The following VAV1 variants were observed in gnomAD, a reference collection of about 807,000 sequenced individuals.
VAV1 encodes the protein proto-oncogene vav.
Under a neutral mutation model 128.1 loss-of-function variants are expected in VAV1, and 33 were observed. The observed-to-expected ratio is 0.26, with a 90% CI of 0.20 to 0.34. The LOEUF (loss-of-function observed/expected upper bound fraction) is 0.34. Among genes scored for constraint, VAV1 ranks in the 10% least tolerant of loss-of-function variants. The pLI, the probability that VAV1 is intolerant of heterozygous loss-of-function variation, is 1.00. For synonymous variants in VAV1, 394 were observed against 409.8 expected (o/e 0.96, Z 0.47); for missense variants, 715 against 1,093.7 (o/e 0.65, Z 4.88).
intron 23 of VAV1, among the ~76,000 whole-genome samples, chr19:6,850,225 G>GTTTTTTTTTTTT (rs760967154): frequency 3.4e-3 from 165 of 49,026 alleles, no homozygotes; most frequent in Middle Eastern, 0.015. Flanking sequence ...TTGTTTCTTT[G>GTTTTTTTTTTTT]TTTTTTTTTT....
intron 6 of VAV1, among the ~76,000 whole-genome samples, chr19:6,824,810 G>T (rs1326839830): frequency 2.0e-5 from 3 of 152,156 alleles, no homozygotes; most frequent in African/African-American, 7.2e-5. Flanking sequence ...GATTGCAGGC[G>T]TGAGCCACCG....
chr19:6,839,930 G>A (rs1475111620), intron 21 of VAV1, among the ~76,000 whole-genome samples: 1 of 152,094 alleles, frequency 6.6e-6, no homozygotes, highest in Non-Finnish European at 1.5e-5. Context: ...GGGCCCAAGT[G>A]ATTCCCCTGC....
chr19:6,795,978 C>T (rs933634641), intron 1 of VAV1, among the ~76,000 whole-genome samples: 1 of 152,162 alleles, frequency 6.6e-6, no homozygotes, highest in Non-Finnish European at 1.5e-5. Flanking sequence ...CCACCGCACC[C>T]GGCTAGTCCA....
intron 1 of VAV1, among the ~76,000 whole-genome samples, chr19:6,818,143 G>A (rs996143491): frequency 6.6e-6 from 1 of 152,134 alleles, no homozygotes; most frequent in Non-Finnish European, 1.5e-5. Flanking sequence ...TTGTGGAGAT[G>A]GGGTCTCCCT....
chr19:6,838,432 CATCCATCT>C (rs200808224), intron 21 of VAV1, among the ~76,000 whole-genome samples: 1,679 of 140,008 alleles, frequency 0.012, 28 homozygotes, highest in African/African-American at 0.045. Context: ...TCCATCCATC[CATCCATCT>C]ATCATCTATC....
At chr19:6,836,410 A>ACTCCTGTACCCTGTC (rs1972222563) in intron 19 of VAV1, 22 bp from the exon 20 acceptor site, 2 of 1,608,764 alleles carry the variant, frequency 1.2e-6, no homozygotes, top group South Asian at 1.1e-5. Flanking sequence ...ACCACCCTGT[A>ACTCCTGTACCCTGTC]CTCCTGTACC....
Position 6,825,296 on chromosome 19 carries a change from C to A in VAV1, c.724-7C>A. ...TGGTCCCAGCCCTCACCCTTCCCTC[C>A]GAGTAGGACCTGCTTCGTGTTCATA... On this transcript the variant is annotated splice_polypyrimidine_tract_variant and splice_region_variant and intron_variant, in intron 7 of 26. Transcript: ENST00000602142. 1 of 1,609,194 alleles carries A rather than the reference C, an allele frequency of 6.2e-7. No individual in the cohort carries two copies.
chr19:6,825,537 C>T (rs1971898175), intron 8 of VAV1, 131 bp downstream of exon 8: 2 of 699,704 alleles, frequency 2.9e-6, no homozygotes, highest in Admixed American at 2.6e-5. Context: ...GGGCGAGGGG[C>T]TGCCCATCTC....
At chr19:6,855,802 C>CATCTATCT (rs58591070) in intron 26 of VAV1, among the ~76,000 whole-genome samples, 117 of 149,602 alleles carry the variant, frequency 7.8e-4, no homozygotes, top group East Asian at 1.4e-3. Flanking sequence ...TCCACCCATT[C>CATCTATCT]ATCTATCTAT....
At chr19:6,827,380 A>T (rs1971943866) in intron 9 of VAV1, among the ~76,000 whole-genome samples, 1 of 151,810 alleles carries the variant, frequency 6.6e-6, no homozygotes, top group African/African-American at 2.4e-5. Context: ...CAATCCTCCC[A>T]ACTCCTACCT....
At chr19:6,854,197 C>T (rs1014047963) in intron 26 of VAV1, 99 bp downstream of exon 26, 1 of 1,464,550 alleles carries the variant, frequency 6.8e-7, no homozygotes, top group Non-Finnish European at 9.2e-7. Flanking sequence ...GTGCGGCTCC[C>T]ATGGAGATCT....
intron 22 of VAV1, among the ~76,000 whole-genome samples, chr19:6,843,424 A>G (rs1004321106): frequency 1.3e-5 from 2 of 152,002 alleles, no homozygotes; most frequent in African/African-American, 4.8e-5. Context: ...TGATGATGAT[A>G]ATGATGATGG....
At chr19:6,805,636 TG>T (rs1002470689) in intron 1 of VAV1, among the ~76,000 whole-genome samples, 3 of 114,988 alleles carry the variant, frequency 2.6e-5, no homozygotes, top group South Asian at 5.8e-4. Context: ...ACACATGAGT[TG>T]GGGGGATGGT....
intron 1 of VAV1, among the ~76,000 whole-genome samples, chr19:6,791,136 G>A (rs549905370): frequency 1.3e-5 from 2 of 152,332 alleles, no homozygotes; most frequent in Admixed American, 6.5e-5. Flanking sequence ...GATCCCAGAT[G>A]GCCTGGGTGG....
intron 1 of VAV1, among the ~76,000 whole-genome samples, chr19:6,790,360 G>A (rs964860411): frequency 1.3e-5 from 2 of 152,100 alleles, no homozygotes; most frequent in African/African-American, 4.8e-5. Flanking sequence ...TGGTGTTTTT[G>A]TTCCTTGTGG....
At chr19:6,809,913 G>A (rs1599643542) in intron 1 of VAV1, among the ~76,000 whole-genome samples, 1 of 152,044 alleles carries the variant, frequency 6.6e-6, no homozygotes, top group Non-Finnish European at 1.5e-5. Context: ...GCTCATGCCT[G>A]TAATACCAGC....
At chr19:6,842,483 G>T (rs933358931) in intron 21 of VAV1, among the ~76,000 whole-genome samples, 6 of 152,024 alleles carry the variant, frequency 3.9e-5, no homozygotes, top group African/African-American at 1.4e-4. Flanking sequence ...CATAATTCAT[G>T]GGCACTGACA....
chr19:6,820,904 G>A lies in VAV1; in HGVS notation c.321+86G>A. ...CTGGGCAAGCTAAGGACTGTCAGGG[G>A]ACAGGCAGACAAGCCAGACCAGGCC... is the stretch of plus-strand genomic sequence containing the variant. On this transcript the variant is annotated intron_variant, in intron 2 of 26. Transcript: ENST00000602142. The surrounding 1 kb of genome is among the most constrained non-coding windows in gnomAD (Gnocchi z 4.4). The A allele has an allele frequency of 7.7e-7, 1 of 1,294,390 alleles. No homozygotes were observed. The highest frequency in any genetic ancestry group is 1.1e-6 in the Non-Finnish European group (1 of 896,716). 80.2% of individuals were successfully genotyped at this position (1,294,390 alleles called of 1,614,324 possible). A position where few individuals can be genotyped will look rare whatever the true frequency, so the allele number is the denominator to read the frequency against.
rs944033950 is a variant in VAV1 at position 6,772,821 on chromosome 19, G to T, written c.14G>T (p.Arg5Leu). The change falls in exon 1 of 27, where the codon CGC becomes CTC. Residue 5 changes from arginine to leucine, a missense_variant. By Grantham distance (102) the Arg-to-Leu change is moderately radical. This residue lies in a region of VAV1 where 302 missense variants were observed against 477.8 expected (regional missense o/e 0.63). Coordinates refer to ENST00000602142, the MANE Select transcript of VAV1 (RefSeq NM_005428.4). This position sits in a 1 kb window ranked among gnomAD's most constrained non-coding sequence, Gnocchi z 4.8. MELWRQCTHWLIQCR... is the reference protein window; with the variant it reads MELWLQCTHWLIQCR... ...CAGGCGGTAGCCATGGAGCTGTGGCGCCAATGCACCCACTGGCTCATCCAG... is the reference window on the plus strand; with the variant it reads ...CAGGCGGTAGCCATGGAGCTGTGGCTCCAATGCACCCACTGGCTCATCCAG... 6.2e-7 allele frequency: 1 copy of T among 1,613,466 alleles called. No individual in the cohort carries two copies. The highest frequency in any genetic ancestry group is 8.5e-7 in the Non-Finnish European group (1 of 1,179,858).
Sources: allele counts gnomAD v4.1 joint callset (sites outside exome capture counted in the v4.1 genomes callset), GRCh38; gene constraint gnomAD v4.1.1; regional missense constraint gnomAD v4.1.1; non-coding constraint Gnocchi (gnomAD v3.1); transcripts MANE v1.5; gene names NCBI Gene and HGNC (gene_info 2026-07-23, HGNC 2026-07-21).